Variants in VPS54 observed in about 807,000 individuals in gnomAD.
The protein encoded by VPS54 is VPS54 subunit of GARP complex, also known as vacuolar protein sorting-associated protein 54.
Under a neutral mutation model 121.5 loss-of-function variants are expected in VPS54, and 45 were observed. The ratio of observed to expected loss-of-function variants is 0.37; its 90% confidence interval spans 0.29 to 0.47. VPS54 has a LOEUF of 0.47. VPS54 is among the 20% of genes least tolerant of loss of function. The probability of loss-of-function intolerance (pLI) is 0.99; values close to 1 mark genes in which losing one functional copy is unlikely to be tolerated. For missense variants in VPS54, 1,090 were observed against 1,131.4 expected, an observed-to-expected ratio of 0.96 and a Z score of 0.52; for synonymous variants, 371 against 385.8, an observed-to-expected ratio of 0.96 and a Z score of 0.45.
Position 63,921,316 on chromosome 2 carries a change from A to G in VPS54, c.1759T>C (p.Leu587=). ...VDIMVSEDMK[L]TDSELGKLAN... ...AGCTTTCCTAGCTCTGAGTCAGTTAATTTCATATCTTCACTGACCCTGAAA... is the reference window on the plus strand; with the variant it reads ...AGCTTTCCTAGCTCTGAGTCAGTTAGTTTCATATCTTCACTGACCCTGAAA... Residue 587 remains leucine (L), a synonymous_variant, in exon 13 of 23, where the codon TTA becomes CTA. Transcript: ENST00000272322. 1 of 1,612,748 alleles carries G rather than the reference A, an allele frequency of 6.2e-7. No individual in the cohort carries two copies.
chr2:63,948,676 C>T (rs949236601), intron 8 of VPS54, among the ~76,000 whole-genome samples: 3 of 152,132 alleles, frequency 2.0e-5, no homozygotes, highest in African/African-American at 7.2e-5. Context: ...GCTGGGATTA[C>T]AGGCATGGAG....
intron 12 of VPS54, among the ~76,000 whole-genome samples, chr2:63,924,496 T>C (rs552261857): frequency 1.3e-5 from 2 of 152,226 alleles, no homozygotes; most frequent in Admixed American, 1.3e-4. Flanking sequence ...GAAGAAAAAT[T>C]GGGAGAAATT....
rs1180384712 is a variant in VPS54 at position 63,933,665 on chromosome 2, A to C, written c.1739+8T>G. ...TCTTGTCAATTTGGCAGTAGCCACT[A>C]TACTCACATAATATCCACACCTCCT... On this transcript the variant is annotated splice_region_variant and intron_variant, in intron 12 of 22. Transcript: ENST00000272322. 1.1e-5 allele frequency: 17 copies of C among 1,606,056 alleles called. No homozygotes were observed. The highest frequency in any genetic ancestry group is 1.4e-5 in the Non-Finnish European group (16 of 1,176,300).
At chr2:64,018,183 G>A (rs1678798187) in intron 1 of VPS54, among the ~76,000 whole-genome samples, 1 of 152,016 alleles carries the variant, frequency 6.6e-6, no homozygotes, top group Non-Finnish European at 1.5e-5. Flanking sequence ...AACAAAAACA[G>A]TCCAAACAAT....
chr2:63,920,023 T>C (rs1172484507), intron 14 of VPS54, 28 bp from the exon 15 acceptor site: 2 of 1,571,730 alleles, frequency 1.3e-6, no homozygotes, highest in Non-Finnish European at 1.7e-6. Context: ...GAAAAGAAGG[T>C]AAACTTTAAC....
chr2:64,005,923 G>T (rs1678121841), intron 1 of VPS54, among the ~76,000 whole-genome samples: 1 of 152,184 alleles, frequency 6.6e-6, no homozygotes, highest in African/African-American at 2.4e-5. Context: ...ATAGAAGGAA[G>T]TAGGATAGTA....
chr2:63,893,493 T>C lies in VPS54; in HGVS notation c.2871A>G (p.Gln957=). ...ADVAFYTGNL[Q]ALKGLKDLDL... is the part of the protein sequence containing the mutation. Reference sequence around the variant, plus strand: ...CCAAATCTTTAAGGCCTTTTAAGGCTTGAAGATTTCCAGTGTAAAAAGCTA... The same window carrying C: ...CCAAATCTTTAAGGCCTTTTAAGGCCTGAAGATTTCCAGTGTAAAAAGCTA... Residue 957 remains glutamine, a synonymous_variant, in exon 23 of 23, where the codon CAA becomes CAG. Transcript: ENST00000272322. 2.5e-6 allele frequency: 4 copies of C among 1,614,088 alleles called. No homozygotes were observed. Among genetic ancestry groups the C allele is most frequent in the Non-Finnish European group, 3.4e-6 (4 of 1,179,966 alleles).
In VPS54 at chr2:63,900,838, T is replaced by C. The variant is rs11677143; in HGVS notation, c.2626-1257A>G. Reference sequence around the variant, plus strand: ...AGTGCAGTGGTGCAATCTCAGCTCATTGCAACCTCTGCCTCCCAGGTTCAA... The same window carrying C: ...AGTGCAGTGGTGCAATCTCAGCTCACTGCAACCTCTGCCTCCCAGGTTCAA... On this transcript the variant is annotated intron_variant, in intron 20 of 22. Transcript: ENST00000272322. Among the ~76,000 whole-genome samples, 487 of 152,212 alleles carry C rather than the reference T, an allele frequency of 3.2e-3. 4 individuals are homozygous for C. The highest frequency in any genetic ancestry group is 0.01 in the Middle Eastern group (3 of 294).
At position 63,962,076 on chromosome 2, in the gene VPS54, T is replaced by G. The variant is rs758613881; in HGVS notation, c.992A>C (p.Gln331Pro). The G allele has an allele frequency of 1.3e-6, 2 of 1,577,022 alleles. No homozygotes were observed. Among genetic ancestry groups the G allele is most frequent in the Admixed American group, 1.7e-5 (1 of 57,352 alleles). The change falls in exon 7 of 23, where the codon CAG becomes CCG. Residue 331 changes from glutamine to proline, a missense_variant. By Grantham distance (76) the Gln-to-Pro change is moderately conservative (BLOSUM62 -1). Around this residue, in one of 2 missense-constraint regions of VPS54, gnomAD observed 801 missense variants for 757.0 expected, o/e 1.06. Coordinates refer to ENST00000272322, the MANE Select transcript of VPS54 (RefSeq NM_016516.3). ...TTQEVLQQEL[Q>P]GIHSFRHLGS... ...AACATACCGGAAACTGTGAATGCCCTGAAGTTCCTGCTGTAGAACCTCTTG... is the reference window on the plus strand; with the variant it reads ...AACATACCGGAAACTGTGAATGCCCGGAAGTTCCTGCTGTAGAACCTCTTG...
chr2:63,974,642 A>G (rs1313403974), intron 3 of VPS54, among the ~76,000 whole-genome samples: 1 of 152,156 alleles, frequency 6.6e-6, no homozygotes, highest in Non-Finnish European at 1.5e-5. Flanking sequence ...CCTCAGATAG[A>G]TCTTATATCT....
At position 63,983,968 on chromosome 2, in the gene VPS54, G is replaced by C; in HGVS notation, c.32C>G (p.Pro11Arg). The C allele has an allele frequency of 6.2e-7, 1 of 1,613,246 alleles. No individual in the cohort carries two copies. The highest frequency in any genetic ancestry group is 8.5e-7 in the Non-Finnish European group (1 of 1,179,492). The change falls in exon 2 of 23, where the codon CCT (proline) becomes CGT (arginine). Residue 11 changes from proline (P) to arginine (R), a missense_variant. Pro to Arg is a moderately radical substitution (Grantham distance 103, BLOSUM62 -2). Coordinates refer to ENST00000272322, the MANE Select transcript of VPS54 (RefSeq NM_016516.3). MASSHSSSPV[P>R]QGSSSDVFFK... Reference sequence around the variant, plus strand: ...GAAAACATCACTGCTGCTTCCTTGAGGCACTGGTGAAGAACTGTGGCTTGA... The same window carrying C: ...GAAAACATCACTGCTGCTTCCTTGACGCACTGGTGAAGAACTGTGGCTTGA...
intron 20 of VPS54, 51 bp downstream of exon 20, chr2:63,912,288 AAAATAG>A (rs1673181970): frequency 7.2e-7 from 1 of 1,395,494 alleles, no homozygotes. Flanking sequence ...TACTCCTTAT[AAAATAG>A]AAAATCATAA....
intron 1 of VPS54, among the ~76,000 whole-genome samples, chr2:63,985,373 A>G (rs1189569574): frequency 6.6e-6 from 1 of 152,130 alleles, no homozygotes; most frequent in Non-Finnish European, 1.5e-5. Context: ...GCAAGAACCC[A>G]TGACAAATAG....
intron 11 of VPS54, among the ~76,000 whole-genome samples, chr2:63,935,505 T>C (rs896898395): frequency 1.3e-5 from 2 of 152,144 alleles, no homozygotes; most frequent in African/African-American, 4.8e-5. Flanking sequence ...TCTTTTTCCT[T>C]ATCTCTTCTG....
rs757177784 is a variant in VPS54, at chr2:63,919,981, T to C, written c.2066A>G (p.Asn689Ser). Residue 689 changes from asparagine (N) to serine (S), a missense_variant, in exon 15 of 23, where the codon AAT becomes AGT. Physicochemically the swap from Asn to Ser is conservative, Grantham distance 46. Transcript: ENST00000272322. ...AACATCTGCTTGCTTCCAGCGCTCA[T>C]TGTCTAAGAGGAGGCTAGTCCACAG... ...RKTKLSLLLDNERWKQADVPA... is the reference protein window; with the variant it reads ...RKTKLSLLLDSERWKQADVPA... 2.6e-5 allele frequency: 42 copies of C among 1,611,372 alleles called. No individual in the cohort carries two copies. Among genetic ancestry groups the C allele is most frequent in the Middle Eastern group, 1.7e-4 (1 of 6,052 alleles).
chr2:63,899,586 T>C lies in VPS54; in HGVS notation c.2626-5A>G, dbSNP rs1180822433. On this transcript the variant is annotated splice_region_variant and splice_polypyrimidine_tract_variant and intron_variant, in intron 20 of 22. Coordinates refer to ENST00000272322, the MANE Select transcript of VPS54 (RefSeq NM_016516.3). The stretch of plus-strand genomic sequence containing the variant: ...AACAGGAGCCTTCACTTCATACTGG[T>C]AGGAAAAAATAATGAGAATTATGTT... 3 of 1,607,674 alleles carry C rather than the reference T, an allele frequency of 1.9e-6. No homozygotes were observed. The highest frequency in any genetic ancestry group is 2.2e-5 in the East Asian group (1 of 44,810).
intron 7 of VPS54, 24 bp from the exon 8 acceptor site, chr2:63,949,187 A>G (rs779078682): frequency 1.3e-6 from 2 of 1,590,548 alleles, no homozygotes; most frequent in Non-Finnish European, 1.7e-6. Flanking sequence ...GAAAAATGTT[A>G]TATTTATATT....
chr2:63,975,583 T>C (rs1676486582), intron 3 of VPS54: 1 of 152,570 alleles, frequency 6.6e-6, no homozygotes, highest in African/African-American at 2.4e-5. Flanking sequence ...TTGATCTTGT[T>C]GGCCCCACCC....
intron 1 of VPS54, among the ~76,000 whole-genome samples, chr2:64,009,752 TGCA>T (rs539642946): frequency 2.8e-4 from 43 of 152,258 alleles, no homozygotes; most frequent in African/African-American, 1.0e-3. Context: ...AAGTTGAGGC[TGCA>T]GTGAGCTGTG....
Sources: gnomAD v4.1 joint callset for allele counts (sites outside exome capture counted in the v4.1 genomes callset) on GRCh38, gnomAD v4.1.1 for gene constraint, gnomAD v4.1.1 regional missense constraint, MANE v1.5 for transcripts, NCBI Gene and HGNC (gene_info 2026-07-23, HGNC 2026-07-21) for gene names.